RHEB: variants seen among roughly 807,000 people sequenced by gnomAD.
The protein encoded by RHEB is Ras homolog, mTORC1 binding.
In RHEB, 2 loss-of-function variants were observed where a neutral mutation model predicts 28.8. The ratio of observed to expected loss-of-function variants is 0.07; its 90% CI spans 0.03 to 0.22. RHEB has a LOEUF of 0.22. Among genes scored for constraint, RHEB ranks in the 10% least tolerant of loss-of-function variants. RHEB has a pLI of 1.00. For synonymous variants in RHEB, 69 were observed against 77.3 expected, an observed-to-expected ratio of 0.89 and a Z score of 0.56; for missense variants, 76 against 219.9, an observed-to-expected ratio of 0.35 and a Z score of 4.14.
rs1193499733 is a variant in RHEB, at chr7:151,499,231, G to A, written c.53-8217C>T. Among the ~76,000 whole-genome samples the A allele has an allele frequency of 2.0e-5, 3 of 152,210 alleles. No homozygotes were observed. The East Asian group carries it at 5.8e-4, about 29-fold the overall frequency. On this transcript the variant is annotated intron_variant, in intron 1 of 7. Coordinates refer to ENST00000262187, the MANE Select transcript of RHEB (RefSeq NM_005614.4). ...AAAATAGCTGGGCGTGGTGGCACGA[G>A]CCTGTAATCCCAATTACTGGGGAGG...
At chr7:151,509,104 A>G (rs1234571933) in intron 1 of RHEB, among the ~76,000 whole-genome samples, 3 of 152,234 alleles carry the variant, frequency 2.0e-5, no homozygotes, top group Admixed American at 2.0e-4. Context: ...AATGACAAAC[A>G]TCCTTGTAGT....
intron 4 of RHEB, among the ~76,000 whole-genome samples, chr7:151,474,731 T>C (rs1802243389): frequency 6.6e-6 from 1 of 152,242 alleles, no homozygotes; most frequent in Non-Finnish European, 1.5e-5. Context: ...ACAGGGGTTT[T>C]ATGATATAAA....
intron 1 of RHEB, among the ~76,000 whole-genome samples, chr7:151,512,802 A>G (rs1246866552): frequency 2.6e-5 from 4 of 152,182 alleles, no homozygotes; most frequent in Non-Finnish European, 1.5e-5. Context: ...GTGGACCTCT[A>G]AGGGGTTTAC....
chr7:151,503,110 AATTCT>A, intron 1 of RHEB: 1 of 813,638 alleles, frequency 1.2e-6, no homozygotes, highest in Non-Finnish European at 2.2e-6. Context: ...GAGCTGTAGA[AATTCT>A]AATGGTCTAT....
chr7:151,517,790 G>A lies in RHEB; in HGVS notation c.52+1670C>T, dbSNP rs148122768. ...AGGGTAAATCAGTCAAGATCTTTAG[G>A]TCATTCTCTTGGGTTGAAATCAGGT... On this transcript the variant is annotated intron_variant, in intron 1 of 7. Transcript: ENST00000262187. The A allele has an allele frequency of 2.6e-5, 4 of 152,162 alleles. No individual in the cohort carries two copies. In the East Asian group the frequency reaches 5.8e-4, roughly 22 times the overall value. 9.4% of individuals were successfully genotyped at this position (152,162 alleles called of 1,614,324 possible). A position where few individuals can be genotyped will look rare whatever the true frequency, so the allele number is the denominator to read the frequency against.
rs185520315 is a variant in RHEB, at chr7:151,502,682, A to G, written c.53-11668T>C. On this transcript the variant is annotated intron_variant, in intron 1 of 7. Transcript: ENST00000262187. ...GGCACACTCCAAGGAAACACAAGAG[A>G]AGTCCTGCACAAATTCACTGTGGAT... The G allele has an allele frequency of 4.9e-5, 79 of 1,610,404 alleles. No individual in the cohort carries two copies. The African/African-American group carries it at 8.3e-4, about 17-fold the overall frequency.
chr7:151,519,683 G>A lies in RHEB; in HGVS notation c.-172C>T. On this transcript the variant is annotated 5_prime_UTR_variant, in exon 1 of 8. Transcript: ENST00000262187. ...CGCGCGCTCCCAACCGCCCGGAACC[G>A]ACCGCGCGGCGGCGCCCCTCCCCCC... 6.7e-6 allele frequency: 3 copies of A among 446,832 alleles called. No homozygotes were observed. Among genetic ancestry groups the A allele is most frequent in the Non-Finnish European group, 7.2e-6 (2 of 277,274 alleles). The allele number at this position is 446,832 out of a possible 1,614,324, so 27.7% of individuals were successfully genotyped here.
chr7:151,487,991 G>A (rs372479445), intron 2 of RHEB, among the ~76,000 whole-genome samples: 32 of 152,192 alleles, frequency 2.1e-4, no homozygotes, highest in African/African-American at 6.5e-4. Context: ...CACCCAGGAC[G>A]CAGTGCCTTG....
rs150678001 is a variant in RHEB at position 151,485,868 on chromosome 7, A to G, written c.125-1064T>C. Reference sequence around the variant, plus strand: ...AATACAAGCAGGGGGGCCAAAAGTCAGGTGAGTAAAGATAACAGACCACAG... The same window carrying G: ...AATACAAGCAGGGGGGCCAAAAGTCGGGTGAGTAAAGATAACAGACCACAG... On this transcript the variant is annotated intron_variant, in intron 2 of 7. Transcript: ENST00000262187. 2.6e-5 allele frequency among the ~76,000 whole-genome samples: 4 copies of G among 152,340 alleles called. No homozygotes were observed. In the East Asian group the frequency reaches 7.7e-4, roughly 29 times the overall value.
chr7:151,478,836 C>T (rs1053458998), intron 3 of RHEB, among the ~76,000 whole-genome samples: 6 of 152,108 alleles, frequency 3.9e-5, no homozygotes, highest in Admixed American at 6.5e-5. Flanking sequence ...GATTTTACCA[C>T]GTTGGCCAGG....
In RHEB at chr7:151,502,634, T is replaced by C; in HGVS notation, c.53-11620A>G. The C allele has an allele frequency of 1.2e-5, 19 of 1,591,980 alleles. 1 individual carries two copies. The South Asian group carries it at 1.4e-4, about 12-fold the overall frequency. ...GACAGCAAGTTTGGATTCATTGTAA[T>C]AGATGGTAGTGGTGCACTTTTTGGC... On this transcript the variant is annotated intron_variant, in intron 1 of 7. Coordinates refer to ENST00000262187, the MANE Select transcript of RHEB (RefSeq NM_005614.4).
At chr7:151,503,645 A>G (rs1802812599) in intron 1 of RHEB, among the ~76,000 whole-genome samples, 1 of 152,190 alleles carries the variant, frequency 6.6e-6, no homozygotes, top group African/African-American at 2.4e-5. Context: ...TTGTTTTGTC[A>G]TGGTGTCAGC....
chr7:151,471,388 A>C lies in RHEB; in HGVS notation c.380+6T>G, dbSNP rs1176477131. The C allele has an allele frequency of 6.5e-7, 1 of 1,529,858 alleles. No homozygotes were observed. Among genetic ancestry groups the C allele is most frequent in the East Asian group, 2.3e-5 (1 of 44,424 alleles). The allele number at this position is 1,529,858 out of a possible 1,614,324, so 94.8% of individuals were successfully genotyped here. ...TCTTAGATTTGACTTTATAAAAGCT[A>C]CATACCTTTCCATATGCAGGTCTTT... On this transcript the variant is annotated splice_donor_region_variant and intron_variant, in intron 6 of 7. Transcript: ENST00000262187.
rs570714134 is a variant in RHEB, at chr7:151,471,452, G to GA, written c.333-12dup. The GA allele has an allele frequency of 6.9e-5, 108 of 1,561,478 alleles. No homozygotes were observed. The African/African-American group carries it at 7.0e-4, about 10-fold the overall frequency. ...AACATAATAGGTATTCTATTTGTAA[G>GA]AAAAAAAAGACAAACCAGTAAGTGC... is the stretch of plus-strand genomic sequence containing the variant. On this transcript the variant is annotated splice_polypyrimidine_tract_variant and intron_variant, in intron 5 of 7. Coordinates refer to ENST00000262187, the MANE Select transcript of RHEB (RefSeq NM_005614.4).
At chr7:151,492,240 C>T (rs184648911) in intron 1 of RHEB, among the ~76,000 whole-genome samples, 28 of 152,298 alleles carry the variant, frequency 1.8e-4, no homozygotes, top group Non-Finnish European at 3.4e-4. Context: ...CTCCTCCAAA[C>T]TATGGATAGG....
In RHEB at chr7:151,472,195, AC is replaced by A. The variant is rs1227636756; in HGVS notation, c.276-591del. 7.2e-5 allele frequency: 11 copies of A among 152,060 alleles called. No individual in the cohort carries two copies. Among genetic ancestry groups the A allele is most frequent in the African/African-American group, 2.7e-4 (11 of 41,374 alleles). 9.4% of individuals were successfully genotyped at this position (152,060 alleles called of 1,614,324 possible). ...ATCATTTTCCACCCTCCCCCAAAAAACCCATGCAAACATCTGCCAGCACATC... is the reference window on the plus strand; with the variant it reads ...ATCATTTTCCACCCTCCCCCAAAAAACCATGCAAACATCTGCCAGCACATC... On this transcript the variant is annotated intron_variant, in intron 4 of 7. Transcript: ENST00000262187. This position sits in a 1 kb window ranked among gnomAD's most constrained non-coding sequence, Gnocchi z 5.2.
chr7:151,505,410 G>C (rs1802853388), intron 1 of RHEB, among the ~76,000 whole-genome samples: 1 of 152,204 alleles, frequency 6.6e-6, no homozygotes, highest in Non-Finnish European at 1.5e-5. Flanking sequence ...TATATGAAAA[G>C]ATGTCCACCA....
chr7:151,479,543 C>CGT (rs1404086501), intron 3 of RHEB, among the ~76,000 whole-genome samples: 2 of 151,846 alleles, frequency 1.3e-5, no homozygotes, highest in Non-Finnish European at 2.9e-5. Context: ...ACTAGCTGGG[C>CGT]GTGGTGGCGG....
At chr7:151,501,230 C>T (rs549160860) in intron 1 of RHEB, among the ~76,000 whole-genome samples, 3 of 152,226 alleles carry the variant, frequency 2.0e-5, no homozygotes, top group African/African-American at 7.2e-5. Context: ...GGACCCATAT[C>T]CAGAATATGT....
Sources: gnomAD v4.1 joint callset for allele counts (sites outside exome capture counted in the v4.1 genomes callset) on GRCh38, gnomAD v4.1.1 for gene constraint, Gnocchi (gnomAD v3.1) non-coding constraint, MANE v1.5 for transcripts, NCBI Gene and HGNC (gene_info 2026-07-23, HGNC 2026-07-21) for gene names.